Variants in IFT80 observed in about 807,000 individuals in gnomAD.
The protein encoded by IFT80 is intraflagellar transport protein 80 homolog.
A neutral mutation model predicts 107.9 loss-of-function variants in IFT80; 79 were observed. The observed-to-expected ratio is 0.73, with a 90% CI of 0.61 to 0.88. IFT80 has a LOEUF of 0.88. Ranked by LOEUF, IFT80 falls within the 40% of genes least tolerant of loss-of-function variation. IFT80 has a pLI of 0.00. For synonymous variants in IFT80, 299 were observed against 300.9 expected, an observed-to-expected ratio of 0.99 and a Z score of 0.07; for missense variants, 797 against 914.2, an observed-to-expected ratio of 0.87 and a Z score of 1.65.
chr3:160,263,203 A>T (rs573551409), intron 19 of IFT80, among the ~76,000 whole-genome samples: 1 of 152,148 alleles, frequency 6.6e-6, no homozygotes, highest in East Asian at 1.9e-4. Context: ...GCCTTACCTC[A>T]CCACCTCTCC....
At chr3:160,314,215 A>G (rs955628290) in intron 9 of IFT80, among the ~76,000 whole-genome samples, 1 of 152,166 alleles carries the variant, frequency 6.6e-6, no homozygotes, top group African/African-American at 2.4e-5. Flanking sequence ...AAGAATTAAG[A>G]CACTTTTGAA....
At chr3:160,320,140 T>C in intron 8 of IFT80, 1 of 541,972 alleles carries the variant, frequency 1.8e-6, no homozygotes, top group African/African-American at 1.9e-5. Flanking sequence ...AACATCATGC[T>C]AAAACAGTGT....
intron 9 of IFT80, among the ~76,000 whole-genome samples, chr3:160,319,054 G>GC (rs1718018904): frequency 6.6e-6 from 1 of 151,706 alleles, no homozygotes; most frequent in Non-Finnish European, 1.5e-5. Context: ...ATTGTGTATC[G>GC]CCACAACTGT....
intron 1 of IFT80, among the ~76,000 whole-genome samples, chr3:160,390,765 C>T (rs1713322548): frequency 6.6e-6 from 1 of 152,138 alleles, no homozygotes; most frequent in Non-Finnish European, 1.5e-5. Context: ...AATACTGAAA[C>T]CAACAGTGGC....
chr3:160,282,620 T>A lies in IFT80; in HGVS notation c.1381-7A>T. 2 of 1,534,986 alleles carry A rather than the reference T, an allele frequency of 1.3e-6. No homozygotes were observed. The highest frequency in any genetic ancestry group is 9.0e-7 in the Non-Finnish European group (1 of 1,112,522). On this transcript the variant is annotated splice_region_variant and splice_polypyrimidine_tract_variant and intron_variant, in intron 13 of 19. Transcript: ENST00000326448. ...CAATTTCCAAGATTTCATTCTAAAA[T>A]TTTTTTTAAATGTAAATACTGGGTT...
At chr3:160,390,360 T>C (rs1439359726) in intron 1 of IFT80, among the ~76,000 whole-genome samples, 1 of 149,066 alleles carries the variant, frequency 6.7e-6, no homozygotes, top group Non-Finnish European at 1.5e-5. Flanking sequence ...GAGGTTGCAG[T>C]AAGCCGAGAT....
At chr3:160,296,395 A>G (rs936952898) in intron 12 of IFT80, among the ~76,000 whole-genome samples, 1 of 152,068 alleles carries the variant, frequency 6.6e-6, no homozygotes, top group Admixed American at 6.6e-5. Context: ...AATTTCGCCA[A>G]AGGAGTGTCT....
At chr3:160,384,254 A>AG (rs1430139219) in intron 2 of IFT80, 1 of 463,412 alleles carries the variant, frequency 2.2e-6, no homozygotes, top group Non-Finnish European at 2.9e-6. Context: ...TCAAAAAAAA[A>AG]AAAAAAAAGC....
intron 11 of IFT80, among the ~76,000 whole-genome samples, chr3:160,303,398 G>C (rs1716585336): frequency 6.6e-6 from 1 of 152,076 alleles, no homozygotes. Flanking sequence ...GAATGTCTTA[G>C]TAGAGAAAAC....
chr3:160,265,369 T>A (rs1334402113), intron 19 of IFT80, among the ~76,000 whole-genome samples: 3 of 152,190 alleles, frequency 2.0e-5, no homozygotes, highest in Non-Finnish European at 2.9e-5. Flanking sequence ...TTGACTCAGA[T>A]CTTCAAAATT....
Position 160,279,277 on chromosome 3 carries a change from G to A in IFT80, c.1752C>T (p.Ser584=). ...RRADGSLVHI[S]ITPYPAILHE... is the part of the protein sequence containing the mutation. Reference sequence around the variant, plus strand: ...GGAGAATAGCAGGATATGGTGTTATGCTGATGTGAACCAGGGAGCCATCAG... The same window carrying A: ...GGAGAATAGCAGGATATGGTGTTATACTGATGTGAACCAGGGAGCCATCAG... The change falls in exon 16 of 20, where the codon AGC becomes AGT. Residue 584 remains serine, a synonymous_variant. Coordinates refer to ENST00000326448, the MANE Select transcript of IFT80 (RefSeq NM_020800.3). 6.2e-7 allele frequency: 1 copy of A among 1,611,880 alleles called. No homozygotes were observed. Among genetic ancestry groups the A allele is most frequent in the South Asian group, 1.1e-5 (1 of 91,022 alleles).
intron 9 of IFT80, among the ~76,000 whole-genome samples, chr3:160,312,143 C>T (rs1717315352): frequency 6.6e-6 from 1 of 152,100 alleles, no homozygotes; most frequent in South Asian, 2.1e-4. Flanking sequence ...GCTTTGTCTG[C>T]AAGGCCACAG....
chr3:160,289,631 A>G (rs1162439391), intron 12 of IFT80, among the ~76,000 whole-genome samples: 4 of 152,234 alleles, frequency 2.6e-5, no homozygotes, highest in Admixed American at 1.3e-4. Flanking sequence ...TAGTGCCCCA[A>G]CATTTAAGAG....
At chr3:160,279,160 T>C in intron 16 of IFT80, 33 bp downstream of exon 16, 1 of 1,563,040 alleles carries the variant, frequency 6.4e-7, no homozygotes, top group Non-Finnish European at 8.8e-7. Flanking sequence ...CTATGAAATA[T>C]ATATACAACT....
chr3:160,299,755 T>C (rs1390735320), intron 12 of IFT80, among the ~76,000 whole-genome samples: 2 of 152,168 alleles, frequency 1.3e-5, no homozygotes, highest in African/African-American at 4.8e-5. Flanking sequence ...TATCCTATTG[T>C]TCACTCTCAT....
At chr3:160,360,338 A>G (rs1458577152) in intron 6 of IFT80, among the ~76,000 whole-genome samples, 1 of 152,252 alleles carries the variant, frequency 6.6e-6, no homozygotes, top group Non-Finnish European at 1.5e-5. Context: ...CAAAGCCTCC[A>G]AGAAATATGG....
chr3:160,351,188 T>C (rs1720673081), intron 8 of IFT80, among the ~76,000 whole-genome samples: 1 of 151,958 alleles, frequency 6.6e-6, no homozygotes, highest in Non-Finnish European at 1.5e-5. Flanking sequence ...AGATATATAC[T>C]AATAAGATCA....
chr3:160,380,569 T>C (rs1283404759), intron 3 of IFT80, among the ~76,000 whole-genome samples: 1 of 152,204 alleles, frequency 6.6e-6, no homozygotes, highest in Admixed American at 6.5e-5. Flanking sequence ...ACTCCATTTG[T>C]GCTTAAGTTA....
At chr3:160,334,480 G>A (rs1016225821) in intron 8 of IFT80, among the ~76,000 whole-genome samples, 4 of 149,140 alleles carry the variant, frequency 2.7e-5, no homozygotes, top group Non-Finnish European at 5.9e-5. Flanking sequence ...GCAGTGGCAC[G>A]ATCTCAGCTC....
Sources: allele counts gnomAD v4.1 joint callset (sites outside exome capture counted in the v4.1 genomes callset), GRCh38; gene constraint gnomAD v4.1.1; transcripts MANE v1.5; gene names NCBI Gene and HGNC (gene_info 2026-07-23, HGNC 2026-07-21).